The following ANKS1B variants were observed in gnomAD, a reference collection of about 807,000 sequenced individuals.
ANKS1B encodes ankyrin repeat and sterile alpha motif domain-containing protein 1B.
In ANKS1B, 36 loss-of-function variants were observed where a neutral mutation model predicts 148.3. That is an observed-to-expected ratio of 0.24 (90% confidence interval 0.19 to 0.32). The LOEUF is 0.32. Among genes scored for constraint, ANKS1B ranks in the 10% least tolerant of loss-of-function variants. The pLI, the probability that ANKS1B is intolerant of heterozygous loss-of-function variation, is 1.00. For synonymous variants in ANKS1B, 542 were observed against 560.8 expected (o/e 0.97, Z 0.47); for missense variants, 1,157 against 1,542.6 (o/e 0.75, Z 4.19).
intron 10 of ANKS1B, 96 bp downstream of exon 10, chr12:99,504,380 T>C (rs2153005648): frequency 1.6e-6 from 2 of 1,284,328 alleles, no homozygotes; most frequent in Non-Finnish European, 2.2e-6. Flanking sequence ...AACTTTCATT[T>C]TGATAACATA....
chr12:98,803,691 C>CCAGGGCTGGGAA (rs1360520689), intron 20 of ANKS1B, among the ~76,000 whole-genome samples: 5 of 152,082 alleles, frequency 3.3e-5, no homozygotes, highest in Admixed American at 2.0e-4. Flanking sequence ...AGTTGCAGGG[C>CCAGGGCTGGGAA]CAGGGCTGGG....
At chr12:99,134,685 A>G (rs1024560476) in intron 15 of ANKS1B, among the ~76,000 whole-genome samples, 5 of 136,962 alleles carry the variant, frequency 3.7e-5, no homozygotes, top group Admixed American at 7.9e-5. Context: ...ACACACACAC[A>G]CACACACACA....
At position 99,246,417 on chromosome 12, in the gene ANKS1B, A is replaced by G; in HGVS notation, c.2204T>C (p.Val735Ala). 1 of 1,613,850 alleles carries G rather than the reference A, an allele frequency of 6.2e-7. No individual in the cohort carries two copies. The highest frequency in any genetic ancestry group is 8.5e-7 in the Non-Finnish European group (1 of 1,179,862). ...AATGAGATCAGAATCAGATTTAGAG[A>G]CACTTTTTGACAAATGCATGTCGAT... Reference protein sequence around the residue: ...ALIDMHLSKSVSKSDSDLIAY... With the variant: ...ALIDMHLSKSASKSDSDLIAY... Residue 735 changes from valine (V) to alanine (A), a missense_variant, in exon 13 of 27, where the codon GTC (valine) becomes GCC (alanine). Around this residue, in one of 6 missense-constraint regions of ANKS1B, gnomAD observed 661 missense variants for 642.1 expected, o/e 1.03. Coordinates refer to ENST00000683438, the MANE Select transcript of ANKS1B (RefSeq NM_001352186.2).
intron 17 of ANKS1B, among the ~76,000 whole-genome samples, chr12:98,930,080 A>G (rs1201900558): frequency 3.9e-5 from 6 of 152,152 alleles, no homozygotes; most frequent in Non-Finnish European, 5.9e-5. Flanking sequence ...TAATTGTTAT[A>G]GCTCAACAAT....
intron 12 of ANKS1B, among the ~76,000 whole-genome samples, chr12:99,260,504 A>C (rs1019271478): frequency 6.6e-6 from 1 of 152,228 alleles, no homozygotes; most frequent in Non-Finnish European, 1.5e-5. Context: ...GAGAGTTATC[A>C]AAAGTGTAAT....
chr12:99,782,113 T>G lies in ANKS1B; in HGVS notation c.670-16A>C, dbSNP rs777565747. 8 of 1,562,638 alleles carry G rather than the reference T, an allele frequency of 5.1e-6. No individual in the cohort carries two copies. In the East Asian group the frequency reaches 1.8e-4, roughly 36 times the overall value. The stretch of plus-strand genomic sequence containing the variant: ...CCTTTTCTGTCTGGAAAAAAAAAAG[T>G]AAGAAAAAAGAAAGCACGGTTGCAT... On this transcript the variant is annotated splice_polypyrimidine_tract_variant and intron_variant, in intron 4 of 26. Transcript: ENST00000683438.
intron 10 of ANKS1B, among the ~76,000 whole-genome samples, chr12:99,469,668 T>C (rs2096204668): frequency 1.3e-5 from 2 of 152,180 alleles, no homozygotes. Context: ...TTACTTAATA[T>C]CTATATTTGT....
chr12:99,276,541 C>T (rs994033090), intron 12 of ANKS1B, among the ~76,000 whole-genome samples: 1 of 152,166 alleles, frequency 6.6e-6, no homozygotes. Context: ...GCATCTCTCT[C>T]ACCTATAAGG....
chr12:99,961,492 T>C (rs1429093849), intron 1 of ANKS1B, among the ~76,000 whole-genome samples: 1 of 152,164 alleles, frequency 6.6e-6, no homozygotes, highest in Admixed American at 6.5e-5. Context: ...TACAAGATCC[T>C]ATCTCCCTGC....
At chr12:99,123,313 T>C (rs980942226) in intron 15 of ANKS1B, among the ~76,000 whole-genome samples, 1 of 152,008 alleles carries the variant, frequency 6.6e-6, no homozygotes, top group African/African-American at 2.4e-5. Context: ...AGAAAAGCTG[T>C]AGCTAAGTCA....
intron 9 of ANKS1B, among the ~76,000 whole-genome samples, chr12:99,523,998 T>C (rs1372233085): frequency 6.6e-6 from 1 of 152,248 alleles, no homozygotes; most frequent in Non-Finnish European, 1.5e-5. Flanking sequence ...TCCTGAATTT[T>C]TTCTGATAAT....
At chr12:98,852,895 G>A (rs892719303) in intron 17 of ANKS1B, among the ~76,000 whole-genome samples, 4 of 152,086 alleles carry the variant, frequency 2.6e-5, no homozygotes, top group East Asian at 1.9e-4. Context: ...CTGCTTCATC[G>A]ATACTCCAAA....
At chr12:99,706,388 A>G (rs1489650074) in intron 8 of ANKS1B, 1 of 152,102 alleles carries the variant, frequency 6.6e-6, no homozygotes, top group African/African-American at 2.4e-5. Flanking sequence ...AAAATCCTCT[A>G]AAACTTATAT....
intron 1 of ANKS1B, among the ~76,000 whole-genome samples, chr12:99,978,974 A>G (rs923310010): frequency 2.0e-5 from 3 of 152,204 alleles, no homozygotes; most frequent in African/African-American, 7.2e-5. Context: ...AATACAAATA[A>G]TTCTCTATCC....
At position 99,060,792 on chromosome 12, in the gene ANKS1B, G is replaced by A. The variant is rs1018734656; in HGVS notation, c.2626-7483C>T. ...TGTGCAGATAAGGATAATATCTTAT[G>A]AGATGACGGAGCCACAGGATGGAAG... On this transcript the variant is annotated intron_variant, in intron 16 of 26. Coordinates refer to ENST00000683438, the MANE Select transcript of ANKS1B (RefSeq NM_001352186.2). 7.2e-5 allele frequency among the ~76,000 whole-genome samples: 11 copies of A among 151,744 alleles called. 1 individual carries two copies. The highest frequency in any genetic ancestry group is 2.2e-4 in the African/African-American group (9 of 41,262).
At chr12:99,041,844 T>C (rs2099959202) in intron 17 of ANKS1B, among the ~76,000 whole-genome samples, 1 of 151,746 alleles carries the variant, frequency 6.6e-6, no homozygotes, top group Non-Finnish European at 1.5e-5. Context: ...CTACAAATAA[T>C]AAAAATAAAT....
chr12:99,368,834 G>A (rs1446647768), intron 12 of ANKS1B, among the ~76,000 whole-genome samples: 3 of 151,854 alleles, frequency 2.0e-5, no homozygotes, highest in Admixed American at 6.6e-5. Context: ...TCAGAATATC[G>A]CACCTTTTTG....
At chr12:99,977,441 G>A (rs751669423) in intron 1 of ANKS1B, among the ~76,000 whole-genome samples, 8 of 152,114 alleles carry the variant, frequency 5.3e-5, no homozygotes, top group Non-Finnish European at 8.8e-5. Context: ...GAGCCACCAC[G>A]TCCAGACAGA....
chr12:99,933,935 G>T (rs1486332014), intron 1 of ANKS1B, among the ~76,000 whole-genome samples: 2 of 152,008 alleles, frequency 1.3e-5, no homozygotes, highest in Non-Finnish European at 2.9e-5. Context: ...TGTTTTGAGG[G>T]TTTTATCATG....
Sources: allele counts gnomAD v4.1 joint callset (sites outside exome capture counted in the v4.1 genomes callset), GRCh38; gene constraint gnomAD v4.1.1; regional missense constraint gnomAD v4.1.1; transcripts MANE v1.5; gene names NCBI Gene and HGNC (gene_info 2026-07-23, HGNC 2026-07-21).